CAPS2: variants seen among roughly 807,000 people sequenced by gnomAD.
CAPS2 encodes the protein calcyphosine 2, also known as calcyphosin-2.
CAPS2 carries 98 observed loss-of-function variants against 86.5 expected under a neutral mutation model. That is an observed-to-expected ratio of 1.13 (90% CI 0.96 to 1.34). CAPS2 has a LOEUF of 1.34. Ranked by LOEUF, CAPS2 falls within the 40% of genes most tolerant of loss-of-function variation. The pLI, the probability that CAPS2 is intolerant of heterozygous loss-of-function variation, is 0.00. For synonymous variants in CAPS2, 210 were observed against 225.1 expected (o/e 0.93, Z 0.60); for missense variants, 729 against 686.8 (o/e 1.06, Z -0.69).
chr12:75,361,011 G>A (rs1459390643), intron 1 of CAPS2: 1 of 152,102 alleles, frequency 6.6e-6, no homozygotes, highest in Non-Finnish European at 1.5e-5. Flanking sequence ...AATTTCCAGT[G>A]TGCAGACACT....
chr12:75,291,795 C>T lies in CAPS2; in HGVS notation c.1189G>A (p.Asp397Asn), dbSNP rs143721078. ...TCATTGGTTTCTTGAATGATTATATCATCCTCCTGTTCCATAGAAGCAGTT... is the reference window on the plus strand; with the variant it reads ...TCATTGGTTTCTTGAATGATTATATTATCCTCCTGTTCCATAGAAGCAGTT... Residue 397 changes from aspartate (D) to asparagine (N), a missense_variant, in exon 13 of 17, where the codon GAT becomes AAT. Asp to Asn is a conservative substitution (Grantham distance 23, BLOSUM62 1). Transcript: ENST00000393284. 1.7e-4 allele frequency: 264 copies of T among 1,558,494 alleles called. 1 individual carries two copies. The highest frequency in any genetic ancestry group is 1.2e-4 in the Non-Finnish European group (132 of 1,144,482).
chr12:75,324,598 A>G (rs1054223882), intron 2 of CAPS2, among the ~76,000 whole-genome samples: 3 of 152,122 alleles, frequency 2.0e-5, no homozygotes, highest in African/African-American at 7.2e-5. Flanking sequence ...GTAATCTATC[A>G]CACAGAACCA....
At chr12:75,290,082 A>G (rs563614647) in intron 13 of CAPS2, among the ~76,000 whole-genome samples, 1 of 152,356 alleles carries the variant, frequency 6.6e-6, no homozygotes, top group African/African-American at 2.4e-5. Flanking sequence ...TATTACAAAT[A>G]AAATCTTAGA....
chr12:75,284,386 C>G (rs2138098612), intron 15 of CAPS2, among the ~76,000 whole-genome samples: 1 of 152,124 alleles, frequency 6.6e-6, no homozygotes, highest in Admixed American at 6.5e-5. Context: ...AAATGGCTAC[C>G]AAAATCCAAG....
At chr12:75,339,816 T>A (rs2041983238) in intron 1 of CAPS2, among the ~76,000 whole-genome samples, 1 of 152,170 alleles carries the variant, frequency 6.6e-6, no homozygotes, top group Non-Finnish European at 1.5e-5. Flanking sequence ...GGCTAGCCAG[T>A]TCTCCCAGCG....
intron 7 of CAPS2, chr12:75,306,221 C>T (rs1269891467): frequency 3.0e-6 from 2 of 667,862 alleles, no homozygotes; most frequent in Admixed American, 5.1e-5. Context: ...CCGGGCCAGC[C>T]GCGAAATTAC....
At chr12:75,331,721 G>A (rs887410118), upstream of CAPS2, among the ~76,000 whole-genome samples, 9 of 151,732 alleles carry the variant, frequency 5.9e-5, no homozygotes, top group Non-Finnish European at 8.8e-5. Context: ...CCGCCACTAC[G>A]CCCGGCTAAT....
At chr12:75,279,256 G>GC (rs2033443554) in intron 16 of CAPS2, among the ~76,000 whole-genome samples, 191 bp from the exon 17 acceptor site, 1 of 151,826 alleles carries the variant, frequency 6.6e-6, no homozygotes, top group South Asian at 2.1e-4. Flanking sequence ...CTCCTTCCCT[G>GC]CCCCCTGCTC....
chr12:75,367,514 C>T (rs544378296), intron 1 of CAPS2, among the ~76,000 whole-genome samples: 1 of 151,766 alleles, frequency 6.6e-6, no homozygotes, highest in African/African-American at 2.4e-5. Context: ...TCCATCTCCA[C>T]GTCGTGTACC....
chr12:75,281,620 G>C lies in CAPS2; in HGVS notation c.1612+631C>G, dbSNP rs769136657. Among the ~76,000 whole-genome samples the C allele has an allele frequency of 1.4e-4, 21 of 151,934 alleles. 1 individual carries two copies. On this transcript the variant is annotated intron_variant, in intron 16 of 16. Transcript: ENST00000393284. ...TCATAGAGTAAGTAAAATTCATAAT[G>C]TATTAACTGAAATATATATATGCTA... is the stretch of plus-strand genomic sequence containing the variant.
At chr12:75,299,895 T>C in exon 9 of CAPS2, 1 of 1,483,648 alleles carries the variant, frequency 6.7e-7, no homozygotes, top group Non-Finnish European at 9.2e-7. Context: ...TCAGTTAATG[T>C]AGAATGAGTT....
intron 7 of CAPS2, chr12:75,305,501 G>T: frequency 1.7e-6 from 1 of 600,750 alleles, no homozygotes. Context: ...GAGGCCTCCA[G>T]CTCCGAGGTG....
rs1164613574 is a variant in CAPS2 at position 75,369,804 on chromosome 12, G to GCC, written c.-395+21033_-395+21034insGG. 1.6e-5 allele frequency: 16 copies of GCC among 981,966 alleles called. No individual in the cohort carries two copies. In the East Asian group the frequency reaches 1.8e-3, roughly 112 times the overall value. 60.8% of individuals were successfully genotyped at this position (981,966 alleles called of 1,614,324 possible). A position where few individuals can be genotyped will look rare whatever the true frequency, so the allele number is the denominator to read the frequency against. On this transcript the variant is annotated intron_variant, in intron 1 of 5. Transcript: ENST00000551829. ...TAGGAAGCATCGTAAAGAGTTTTAAGTACTGTAGGATTGAGTAGGAAAGTT... is the reference window on the plus strand; with the variant it reads ...TAGGAAGCATCGTAAAGAGTTTTAAGCCTACTGTAGGATTGAGTAGGAAAGTT...
chr12:75,320,771 T>C (rs2040224970), intron 5 of CAPS2, among the ~76,000 whole-genome samples: 2 of 151,700 alleles, frequency 1.3e-5, no homozygotes, highest in East Asian at 3.9e-4. Context: ...TTATGGCCAC[T>C]AGTATCATGT....
upstream of CAPS2, among the ~76,000 whole-genome samples, chr12:75,327,908 A>G (rs2040937503): frequency 6.6e-6 from 1 of 151,276 alleles, no homozygotes; most frequent in South Asian, 2.1e-4. Flanking sequence ...ATGCCCAGTG[A>G]AAGATATCCC....
At chr12:75,362,543 A>G (rs556363529) in intron 1 of CAPS2, among the ~76,000 whole-genome samples, 64 of 152,324 alleles carry the variant, frequency 4.2e-4, no homozygotes, top group African/African-American at 1.5e-3. Context: ...TTAATGGAAT[A>G]CTACTCATGT....
intron 1 of CAPS2, among the ~76,000 whole-genome samples, chr12:75,326,142 T>C (rs1488704132): frequency 6.6e-6 from 1 of 152,134 alleles, no homozygotes; most frequent in Non-Finnish European, 1.5e-5. Context: ...AAAAATTCCA[T>C]TCTACTATTT....
intron 1 of CAPS2, among the ~76,000 whole-genome samples, chr12:75,385,393 T>C (rs905883227): frequency 3.3e-5 from 5 of 151,808 alleles, no homozygotes; most frequent in African/African-American, 1.2e-4. Context: ...CTGGACAAAA[T>C]CCAGTATGAA....
intron 7 of CAPS2, among the ~76,000 whole-genome samples, chr12:75,308,391 T>A (rs571028493): frequency 6.6e-6 from 1 of 152,330 alleles, no homozygotes; most frequent in Admixed American, 6.5e-5. Context: ...TAGAGGGTAT[T>A]TAAGCCCCAG....
Sources: allele counts gnomAD v4.1 joint callset (sites outside exome capture counted in the v4.1 genomes callset), GRCh38; gene constraint gnomAD v4.1.1; transcripts MANE v1.5; gene names NCBI Gene and HGNC (gene_info 2026-07-23, HGNC 2026-07-21).